The following PKD1L1 variants were observed in gnomAD, a reference collection of about 807,000 sequenced individuals.
The protein encoded by PKD1L1 is polycystin-1-like protein 1.
A neutral mutation model predicts 323.4 loss-of-function variants in PKD1L1; 236 were observed. The ratio of observed to expected loss-of-function variants is 0.73; its 90% CI spans 0.66 to 0.81. The LOEUF (loss-of-function observed/expected upper bound fraction) is 0.81, where lower values mean the gene tolerates loss of function less well. Among genes scored for constraint, PKD1L1 ranks in the 40% least tolerant of loss-of-function variants. PKD1L1 has a pLI of 0.00. For missense variants in PKD1L1, 3,320 were observed against 3,508.0 expected, an observed-to-expected ratio of 0.95 and a Z score of 1.35; for synonymous variants, 1,344 against 1,335.0, an observed-to-expected ratio of 1.01 and a Z score of -0.15.
At chr7:47,816,204 G>A (rs1785015294) in intron 46 of PKD1L1, among the ~76,000 whole-genome samples, 1 of 152,256 alleles carries the variant, frequency 6.6e-6, no homozygotes, top group Non-Finnish European at 1.5e-5. Context: ...TGGCAGATGT[G>A]AAGACATAGA....
At chr7:47,816,143 T>C (rs1785013473) in intron 46 of PKD1L1, among the ~76,000 whole-genome samples, 1 of 152,216 alleles carries the variant, frequency 6.6e-6, no homozygotes, top group South Asian at 2.1e-4. Context: ...CTCTCTGCAC[T>C]GACTGCCGAC....
At chr7:47,905,535 A>G (rs111489519) in intron 10 of PKD1L1, among the ~76,000 whole-genome samples, 2 of 152,244 alleles carry the variant, frequency 1.3e-5, no homozygotes, top group Non-Finnish European at 2.9e-5. Flanking sequence ...GTGCTTGCAC[A>G]GGAGGTGCTC....
At chr7:47,894,099 C>A (rs1451086255) in intron 14 of PKD1L1, 40 bp from the exon 15 acceptor site, 5 of 1,506,584 alleles carry the variant, frequency 3.3e-6, no homozygotes, top group Admixed American at 4.4e-5. Flanking sequence ...CATGCAGGGA[C>A]AAGGCAGGGA....
At chr7:47,913,631 C>T (rs928530566) in intron 8 of PKD1L1, among the ~76,000 whole-genome samples, 5 of 152,122 alleles carry the variant, frequency 3.3e-5, no homozygotes, top group East Asian at 1.9e-4. Context: ...GGCTATGTAA[C>T]GTGTGTGTTC....
In PKD1L1 at chr7:47,919,350, C is replaced by T. The variant is rs551475652; in HGVS notation, c.1061-3751G>A. ...GAAAGAATTAGATACCACGAACAGACCAATAATAAGCACTGAGATTGAAAT... is the reference window on the plus strand; with the variant it reads ...GAAAGAATTAGATACCACGAACAGATCAATAATAAGCACTGAGATTGAAAT... On this transcript the variant is annotated intron_variant, in intron 7 of 56. Coordinates refer to ENST00000289672, the MANE Select transcript of PKD1L1 (RefSeq NM_138295.5). Among the ~76,000 whole-genome samples the T allele has an allele frequency of 2.1e-4, 32 of 152,162 alleles. No homozygotes were observed. In the East Asian group the frequency reaches 6.0e-3, roughly 28 times the overall value.
intron 24 of PKD1L1, among the ~76,000 whole-genome samples, chr7:47,867,744 T>C (rs1401079477): frequency 6.6e-6 from 1 of 152,074 alleles, no homozygotes; most frequent in Non-Finnish European, 1.5e-5. Flanking sequence ...ATAGAGACTA[T>C]CAATAAACAG....
chr7:47,790,988 G>A (rs1786931866), intron 56 of PKD1L1, among the ~76,000 whole-genome samples: 1 of 151,968 alleles, frequency 6.6e-6, no homozygotes, highest in African/African-American at 2.4e-5. Flanking sequence ...CTCCTGCCTT[G>A]GCCTCCCAGA....
chr7:47,841,336 G>C (rs1261471740), intron 34 of PKD1L1, among the ~76,000 whole-genome samples: 1 of 152,118 alleles, frequency 6.6e-6, no homozygotes, highest in South Asian at 2.1e-4. Flanking sequence ...TCCCTCCTCA[G>C]TACCTCTCCC....
At chr7:47,913,621 G>A (rs981397498) in intron 8 of PKD1L1, among the ~76,000 whole-genome samples, 5 of 152,020 alleles carry the variant, frequency 3.3e-5, no homozygotes, top group Admixed American at 6.6e-5. Flanking sequence ...CTCCTACTCC[G>A]GCTATGTAAC....
At chr7:47,813,887 A>T (rs1460811587) in intron 48 of PKD1L1, 44 bp downstream of exon 48, 2 of 1,534,908 alleles carry the variant, frequency 1.3e-6, no homozygotes, top group East Asian at 2.2e-5. Context: ...AGACTTCTCT[A>T]ATTCCATTTA....
rs960284204 is a variant in PKD1L1, at chr7:47,904,465, T to C, written c.1844A>G (p.Asn615Ser). Residue 615 changes from asparagine (N) to serine (S), a missense_variant, in exon 12 of 57, where the codon AAC (asparagine) becomes AGC (serine). Asn to Ser is a conservative substitution (Grantham distance 46). Coordinates refer to ENST00000289672, the MANE Select transcript of PKD1L1 (RefSeq NM_138295.5). ...NASVAFECWI[N>S]FGTDVAYLWD... is the part of the protein sequence containing the mutation. ...CAGGTAGGCAACATCTGTGCCGAAGTTGATCCAGCACTCAAAGGCCACACT... is the reference window on the plus strand; with the variant it reads ...CAGGTAGGCAACATCTGTGCCGAAGCTGATCCAGCACTCAAAGGCCACACT... 4.3e-6 allele frequency: 7 copies of C among 1,614,148 alleles called. No individual in the cohort carries two copies. The highest frequency in any genetic ancestry group is 5.9e-6 in the Non-Finnish European group (7 of 1,180,020).
Position 47,905,922 on chromosome 7 carries a change from A to T in PKD1L1, c.1443T>A (p.Tyr481Ter), listed in dbSNP as rs1174306580. The T allele has an allele frequency of 1.2e-6, 2 of 1,613,176 alleles. No individual in the cohort carries two copies. The highest frequency in any genetic ancestry group is 1.7e-6 in the Non-Finnish European group (2 of 1,179,584). The stretch of plus-strand genomic sequence containing the variant: ...GAGTCTGAGAAATAAAGGACACGTT[A>T]TATGAAGGAATAGATGGAAAGTGAT... ...VIHHFPSIPS[Y>*]NVSFISQTQV... is the part of the protein sequence containing the mutation. Residue 481 changes from tyrosine to a stop codon, truncating the protein, a stop_gained, in exon 10 of 57, where the codon TAT (tyrosine) becomes TAA (stop). Transcript: ENST00000289672. LOFTEE classifies it high-confidence loss of function.
intron 12 of PKD1L1, among the ~76,000 whole-genome samples, chr7:47,903,029 G>T (rs1362508927): frequency 6.6e-6 from 1 of 152,196 alleles, no homozygotes; most frequent in Non-Finnish European, 1.5e-5. Flanking sequence ...CTGTCTCCGG[G>T]TAAGGGGAGC....
At chr7:47,931,361 C>T in intron 5 of PKD1L1, 40 bp from the exon 6 acceptor site, 1 of 1,603,164 alleles carries the variant, frequency 6.2e-7, no homozygotes, top group African/African-American at 1.3e-5. Context: ...ATTGAATGGC[C>T]TCGTCTGGCA....
At chr7:47,873,535 T>C (rs892176370) in intron 24 of PKD1L1, among the ~76,000 whole-genome samples, 2 of 150,372 alleles carry the variant, frequency 1.3e-5, no homozygotes, top group Admixed American at 6.7e-5. Flanking sequence ...TAATCCCAGC[T>C]ACTCAGGAGG....
At position 47,800,840 on chromosome 7, in the gene PKD1L1, G is replaced by A. The variant is rs2128725979; in HGVS notation, c.8002C>T (p.His2668Tyr). 3 of 1,614,088 alleles carry A rather than the reference G, an allele frequency of 1.9e-6. No homozygotes were observed. Among genetic ancestry groups the A allele is most frequent in the Middle Eastern group, 1.6e-4 (1 of 6,062 alleles). The change falls in exon 54 of 57, where the codon CAC (histidine) becomes TAC (tyrosine). Residue 2668 changes from histidine (H) to tyrosine (Y), a missense_variant. Transcript: ENST00000289672. ...ALMLAALSHL[H>Y]RFLLSMWVLP... The stretch of plus-strand genomic sequence containing the variant: ...ACCCACATAGAGAGCAGAAATCGGT[G>A]CAGGTGGGAGAGGGCGGCCAGCATC...
chr7:47,781,409 G>GTTT (rs60759497), intron 56 of PKD1L1, among the ~76,000 whole-genome samples: 8 of 71,760 alleles, frequency 1.1e-4, no homozygotes, highest in East Asian at 6.1e-4. Flanking sequence ...GTTTTGTTTT[G>GTTT]TTTTTTTTTT....
intron 56 of PKD1L1, among the ~76,000 whole-genome samples, chr7:47,791,359 T>G (rs955589455): frequency 1.3e-5 from 2 of 152,288 alleles, no homozygotes; most frequent in African/African-American, 4.8e-5. Context: ...TTTGCTTTAT[T>G]TTTTTCTTTT....
intron 4 of PKD1L1, among the ~76,000 whole-genome samples, chr7:47,932,737 C>G (rs1477968953): frequency 3.3e-5 from 5 of 152,236 alleles, no homozygotes; most frequent in Non-Finnish European, 7.3e-5. Context: ...CTCTCAGCCT[C>G]CCTCCTCCCA....
Sources: allele counts gnomAD v4.1 joint callset (sites outside exome capture counted in the v4.1 genomes callset), GRCh38; gene constraint gnomAD v4.1.1; transcripts MANE v1.5; gene names NCBI Gene and HGNC (gene_info 2026-07-23, HGNC 2026-07-21).